The following VPS37B variants were observed in gnomAD, a reference collection of about 807,000 sequenced individuals.
The protein encoded by VPS37B is VPS37B subunit of ESCRT-I.
A neutral mutation model predicts 21.2 loss-of-function variants in VPS37B; 11 were observed. The observed-to-expected ratio is 0.52, with a 90% CI of 0.33 to 0.86. VPS37B has a LOEUF of 0.86. Among genes scored for constraint, VPS37B ranks in the 40% least tolerant of loss-of-function variants. VPS37B has a pLI of 0.03. For missense variants in VPS37B, 389 were observed against 374.8 expected (o/e 1.04, Z -0.31); for synonymous variants, 175 against 159.6 (o/e 1.10, Z -0.73).
chr12:122,875,012 A>AT (rs1341326761), intron 1 of VPS37B: 1 of 145,152 alleles, frequency 6.9e-6, no homozygotes, highest in Non-Finnish European at 1.5e-5. Flanking sequence ...ACTGGCAGTG[A>AT]TTTTTTAAAT....
intron 1 of VPS37B, among the ~76,000 whole-genome samples, chr12:122,891,239 C>T (rs2034406902): frequency 6.6e-6 from 1 of 152,220 alleles, no homozygotes; most frequent in Non-Finnish European, 1.5e-5. Flanking sequence ...AGAAGAGCAA[C>T]TAAATAAATT....
chr12:122,871,287 C>T (rs1190400506), intron 1 of VPS37B: 4 of 1,311,798 alleles, frequency 3.0e-6, no homozygotes, highest in East Asian at 3.0e-5. Context: ...CCTTCCAGCA[C>T]GTTTCCAGGA....
rs373595408 is a variant in VPS37B at position 122,867,278 on chromosome 12, G to A, written c.696C>T (p.Ala232=). Residue 232 remains alanine, a synonymous_variant, in exon 4 of 4, where the codon GCC becomes GCT. Transcript: ENST00000267202. This position sits in a 1 kb window ranked among gnomAD's most constrained non-coding sequence, Gnocchi z 5.5. ...PFTAAMSSGQ[A]VPYPGLQCPP... is the part of the protein sequence containing the mutation. ...GGCACTGTAATCCTGGGTACGGCAC[G>A]GCCTGTCCCGAACTCATGGCCGCAG... 6.0e-5 allele frequency: 95 copies of A among 1,573,702 alleles called. No individual in the cohort carries two copies. In the Admixed American group the frequency reaches 6.9e-4, roughly 11 times the overall value.
At chr12:122,871,662 C>T (rs192103241) in intron 1 of VPS37B, 2 of 985,362 alleles carry the variant, frequency 2.0e-6, no homozygotes, top group African/African-American at 3.5e-5. Context: ...CAAAGCCGAC[C>T]AAAAGCTGGG....
In VPS37B at chr12:122,867,600, G is replaced by T; in HGVS notation, c.374C>A (p.Ala125Glu). 6.2e-7 allele frequency: 1 copy of T among 1,612,672 alleles called. No individual in the cohort carries two copies. The highest frequency in any genetic ancestry group is 8.5e-7 in the Non-Finnish European group (1 of 1,179,988). ...AAGTTCTCCATCCAGAAACTTCTCT[G>T]CCATGTTCTGAAAGAGGCAGAAACC... is the stretch of plus-strand genomic sequence containing the variant. The part of the protein sequence containing the change: ...AKIEEDTENM[A>E]EKFLDGELPL... The change falls in exon 4 of 4, where the codon GCA (alanine) becomes GAA (glutamate). Residue 125 changes from alanine (A) to glutamate (E), a missense_variant. Physicochemically the swap from Ala to Glu is moderately radical, Grantham distance 107 (BLOSUM62 -1). Coordinates refer to ENST00000267202, the MANE Select transcript of VPS37B (RefSeq NM_024667.3). The surrounding 1 kb of genome is among the most constrained non-coding windows in gnomAD (Gnocchi z 5.5).
intron 2 of VPS37B, chr12:122,870,448 C>T (rs368985350): frequency 3.9e-5 from 6 of 155,796 alleles, no homozygotes; most frequent in African/African-American, 1.4e-4. Context: ...CCTCCATATT[C>T]CATACATAAA....
chr12:122,868,371 A>G lies in VPS37B; in HGVS notation c.366+109T>C, dbSNP rs1039375799. 7.1e-6 allele frequency: 7 copies of G among 979,062 alleles called. No individual in the cohort carries two copies. In the African/African-American group the frequency reaches 9.6e-5, roughly 13 times the overall value. The allele number at this position is 979,062 out of a possible 1,614,324, so 60.6% of individuals were successfully genotyped here. ...CTGGTATACAGCCCGTACACCTGGG[A>G]GGCACCACTCCTGGCCGTGGCGGTG... On this transcript the variant is annotated intron_variant, in intron 3 of 3. Coordinates refer to ENST00000267202, the MANE Select transcript of VPS37B (RefSeq NM_024667.3). This position sits in a 1 kb window ranked among gnomAD's most constrained non-coding sequence, Gnocchi z 5.5.
intron 1 of VPS37B, among the ~76,000 whole-genome samples, chr12:122,890,705 A>G (rs2034399926): frequency 6.6e-6 from 1 of 152,210 alleles, no homozygotes; most frequent in Non-Finnish European, 1.5e-5. Context: ...CATTTCTAAG[A>G]GAACAGTTGA....
chr12:122,875,746 C>G (rs1271794947), intron 1 of VPS37B: 1 of 152,026 alleles, frequency 6.6e-6, no homozygotes, highest in East Asian at 1.9e-4. Context: ...ACACCCGGCT[C>G]TCCACCCCTC....
intron 1 of VPS37B, chr12:122,885,531 C>A (rs2034308290): frequency 6.6e-6 from 1 of 151,964 alleles, no homozygotes. Context: ...AAAAAATCAT[C>A]CCAAAAGGGA....
intron 1 of VPS37B, chr12:122,885,040 C>A (rs1214687564): frequency 6.6e-6 from 1 of 152,040 alleles, no homozygotes; most frequent in African/African-American, 2.4e-5. Context: ...CACGTGACTC[C>A]AATTACTCAT....
In VPS37B at chr12:122,867,711, GC is replaced by G. The variant is rs1425940676; in HGVS notation, c.367-105del. 1.3e-6 allele frequency: 2 copies of G among 1,498,658 alleles called. No individual in the cohort carries two copies. The highest frequency in any genetic ancestry group is 2.3e-5 in the East Asian group (1 of 43,800). The allele number at this position is 1,498,658 out of a possible 1,614,324, so 92.8% of individuals were successfully genotyped here. ...GCAACGCCCAGCTGCTTCCAACACTGCCCCCTCCCTGTAACCACCCAGAGGG... is the reference window on the plus strand; with the variant it reads ...GCAACGCCCAGCTGCTTCCAACACTGCCCCTCCCTGTAACCACCCAGAGGG... On this transcript the variant is annotated intron_variant, in intron 3 of 3. Coordinates refer to ENST00000267202, the MANE Select transcript of VPS37B (RefSeq NM_024667.3). The surrounding 1 kb of genome is among the most constrained non-coding windows in gnomAD (Gnocchi z 5.5).
chr12:122,894,454 T>C (rs1015891964), intron 1 of VPS37B, among the ~76,000 whole-genome samples: 3 of 152,256 alleles, frequency 2.0e-5, no homozygotes, highest in Non-Finnish European at 4.4e-5. Context: ...ATTTTGAATG[T>C]GCAACCTCCA....
Position 122,865,640 on chromosome 12 carries a change from C to T in VPS37B, c.*1476G>A, listed in dbSNP as rs944037439. 6.6e-6 allele frequency: 1 copy of T among 152,296 alleles called. No individual in the cohort carries two copies. Among genetic ancestry groups the T allele is most frequent in the Non-Finnish European group, 1.5e-5 (1 of 68,074 alleles). 9.4% of individuals were successfully genotyped at this position (152,296 alleles called of 1,614,324 possible). ...AAAACAGTTACAGTAGAGTTCAAGT[C>T]CGAGAGCAGGAATGTACGGTCACTG... is the stretch of plus-strand genomic sequence containing the variant. On this transcript the variant is annotated 3_prime_UTR_variant, in exon 4 of 4. Transcript: ENST00000267202.
chr12:122,869,119 CAGT>C (rs1310044127), intron 2 of VPS37B, among the ~76,000 whole-genome samples: 2 of 152,214 alleles, frequency 1.3e-5, no homozygotes, highest in Admixed American at 6.5e-5. Context: ...GTCTGTGAAT[CAGT>C]TCGTTTCTTT....
rs535674500 is a variant in VPS37B, at chr12:122,866,262, T to C, written c.*854A>G. ...TGCATCCACTTCATCGGCATTTCGA[T>C]CTGCTCAAGACAGTATCTGCATTTT... On this transcript the variant is annotated 3_prime_UTR_variant, in exon 4 of 4. Transcript: ENST00000267202. The C allele has an allele frequency of 3.5e-4, 53 of 152,786 alleles. No individual in the cohort carries two copies. Among genetic ancestry groups the C allele is most frequent in the African/African-American group, 1.2e-3 (48 of 41,580 alleles). 9.5% of individuals were successfully genotyped at this position (152,786 alleles called of 1,614,324 possible). A position where few individuals can be genotyped will look rare whatever the true frequency, so the allele number is the denominator to read the frequency against.
chr12:122,870,866 G>A (rs375877214), intron 2 of VPS37B, 24 bp downstream of exon 2: 21 of 1,593,648 alleles, frequency 1.3e-5, no homozygotes, highest in East Asian at 6.7e-5. Context: ...CTTTATTCTC[G>A]AATGATCACC....
intron 1 of VPS37B, 55 bp downstream of exon 1, chr12:122,895,897 G>A (rs2034485158): frequency 6.5e-7 from 1 of 1,545,836 alleles, no homozygotes; most frequent in Non-Finnish European, 8.9e-7. Flanking sequence ...ACCGTTCGAG[G>A]AGCGAACCCC....
chr12:122,892,156 A>T (rs1284384384), intron 1 of VPS37B, among the ~76,000 whole-genome samples: 1 of 152,248 alleles, frequency 6.6e-6, no homozygotes, highest in Non-Finnish European at 1.5e-5. Context: ...AAAATAAAAT[A>T]CATGCATATG....
Sources: gnomAD v4.1 joint callset for allele counts (sites outside exome capture counted in the v4.1 genomes callset) on GRCh38, gnomAD v4.1.1 for gene constraint, Gnocchi (gnomAD v3.1) non-coding constraint, MANE v1.5 for transcripts, NCBI Gene and HGNC (gene_info 2026-07-23, HGNC 2026-07-21) for gene names.